Variants in GABRA2 observed in about 807,000 individuals in gnomAD.
GABRA2 encodes the protein gamma-aminobutyric acid type A receptor subunit alpha2.
Under a neutral mutation model 48.7 loss-of-function variants are expected in GABRA2, and 16 were observed. That is an observed-to-expected ratio of 0.33 (90% CI 0.22 to 0.50). The LOEUF (loss-of-function observed/expected upper bound fraction) is 0.50. Among genes scored for constraint, GABRA2 ranks in the 20% least tolerant of loss-of-function variants. The pLI is 0.98. For synonymous variants in GABRA2, 185 were observed against 184.5 expected (o/e 1.00, Z -0.02); for missense variants, 275 against 535.6 (o/e 0.51, Z 4.80).
rs1160257149 is a variant in GABRA2 at position 46,250,368 on chromosome 4, A to T, written c.1296T>A (p.Phe432Leu). The T allele has an allele frequency of 6.2e-7, 1 of 1,611,502 alleles. No individual in the cohort carries two copies. Among genetic ancestry groups the T allele is most frequent in the Non-Finnish European group, 8.5e-7 (1 of 1,178,368 alleles). Residue 432 changes from phenylalanine to leucine, a missense_variant, in exon 10 of 10, where the codon TTT (phenylalanine) becomes TTA (leucine). By Grantham distance (22) the Phe-to-Leu change is conservative. This residue lies in a region of GABRA2 where 99 missense variants were observed against 124.3 expected (regional missense o/e 0.80). Transcript: ENST00000381620. ...AATATGTAGCCCAGTAAACTAAATTAAAGGTACCAAACAAAACTGGAAAAA... is the reference window on the plus strand; with the variant it reads ...AATATGTAGCCCAGTAAACTAAATTTAAGGTACCAAACAAAACTGGAAAAA... ...RIVFPVLFGT[F>L]NLVYWATYLN...
At chr4:46,308,850 A>G (rs1008938900) in intron 6 of GABRA2, among the ~76,000 whole-genome samples, 2 of 149,108 alleles carry the variant, frequency 1.3e-5, no homozygotes, top group Non-Finnish European at 3.0e-5. Flanking sequence ...TGATGCCTTA[A>G]TGACAATACC....
intron 3 of GABRA2, among the ~76,000 whole-genome samples, chr4:46,352,418 T>G (rs1262930170): frequency 1.3e-5 from 2 of 151,938 alleles, no homozygotes; most frequent in East Asian, 3.9e-4. Flanking sequence ...CTACATAATT[T>G]ATTTTTCCTC....
Position 46,245,129 on chromosome 4 carries a change from A to G in GABRA2, c.*5179T>C, listed in dbSNP as rs1560414808. 1.3e-5 allele frequency among the ~76,000 whole-genome samples: 2 copies of G among 151,342 alleles called. No individual in the cohort carries two copies. The highest frequency in any genetic ancestry group is 4.1e-4 in the South Asian group (2 of 4,832). Reference sequence around the variant, plus strand: ...GAAATCCTAGATTTCCAGAGCTTCAAGAATCACACAGTGATGATGGCTGCT... The same window carrying G: ...GAAATCCTAGATTTCCAGAGCTTCAGGAATCACACAGTGATGATGGCTGCT... On this transcript the variant is annotated 3_prime_UTR_variant, in exon 10 of 10. Coordinates refer to ENST00000381620, the MANE Select transcript of GABRA2 (RefSeq NM_000807.4).
intron 9 of GABRA2, among the ~76,000 whole-genome samples, chr4:46,259,208 G>C (rs926899006): frequency 6.6e-6 from 1 of 151,814 alleles, no homozygotes; most frequent in African/African-American, 2.4e-5. Context: ...TGAGCAAAAG[G>C]AGAAAAGGAA....
chr4:46,273,515 A>C (rs1322074247), intron 8 of GABRA2, among the ~76,000 whole-genome samples: 1 of 42,864 alleles, frequency 2.3e-5, no homozygotes, highest in Non-Finnish European at 4.5e-5. Context: ...ATATATATAT[A>C]TATATATATA....
intron 4 of GABRA2, among the ~76,000 whole-genome samples, chr4:46,328,286 G>A (rs1378498226): frequency 8.2e-6 from 1 of 122,268 alleles, no homozygotes; most frequent in Non-Finnish European, 1.8e-5. Flanking sequence ...GTGTGTGTGT[G>A]TGTGTGTGTG....
In GABRA2 at chr4:46,250,413, A is replaced by T; in HGVS notation, c.1251T>A (p.Ile417=). Residue 417 remains isoleucine (I), a synonymous_variant, in exon 10 of 10, where the codon ATT becomes ATA. Coordinates refer to ENST00000381620, the MANE Select transcript of GABRA2 (RefSeq NM_000807.4). ...GAAAAACTATTCTGGACATTCTGTC[A>T]ATTTTGCTAACACTGTTGAAAGTTT... ...AKKTFNSVSK[I]DRMSRIVFPV... The T allele has an allele frequency of 6.2e-7, 1 of 1,611,838 alleles. No individual in the cohort carries two copies. Among genetic ancestry groups the T allele is most frequent in the Non-Finnish European group, 8.5e-7 (1 of 1,178,528 alleles).
In GABRA2 at chr4:46,250,119, T is replaced by A. The variant is rs375042516; in HGVS notation, c.*189A>T. On this transcript the variant is annotated 3_prime_UTR_variant, in exon 10 of 10. Coordinates refer to ENST00000381620, the MANE Select transcript of GABRA2 (RefSeq NM_000807.4). ...AGGCAATGGCTGTTTTCGCATGGAG[T>A]GCTTTCTGTCTGCAGTTCCATGAGT... is the stretch of plus-strand genomic sequence containing the variant. 15 of 522,324 alleles carry A rather than the reference T, an allele frequency of 2.9e-5. No individual in the cohort carries two copies. The African/African-American group carries it at 2.9e-4, about 10-fold the overall frequency. The allele number at this position is 522,324 out of a possible 1,614,324, so 32.4% of individuals were successfully genotyped here. A position where few individuals can be genotyped will look rare whatever the true frequency, so the allele number is the denominator to read the frequency against.
intron 8 of GABRA2, among the ~76,000 whole-genome samples, chr4:46,268,207 C>A (rs1718634931): frequency 1.3e-5 from 2 of 151,942 alleles, no homozygotes; most frequent in African/African-American, 4.8e-5. Flanking sequence ...AGTGAGATTA[C>A]ATCAAGATAA....
intron 8 of GABRA2, among the ~76,000 whole-genome samples, chr4:46,268,110 T>C (rs1718614682): frequency 1.3e-5 from 2 of 151,712 alleles, no homozygotes; most frequent in Admixed American, 1.3e-4. Flanking sequence ...GAATAAAAGA[T>C]AAAGAAAAAG....
At chr4:46,343,855 A>G (rs908206768) in intron 3 of GABRA2, among the ~76,000 whole-genome samples, 1 of 151,962 alleles carries the variant, frequency 6.6e-6, no homozygotes, top group African/African-American at 2.4e-5. Flanking sequence ...CAGGCTGTGA[A>G]TGCATACTCC....
intron 3 of GABRA2, among the ~76,000 whole-genome samples, chr4:46,360,231 C>G (rs963424193): frequency 3.3e-5 from 5 of 152,086 alleles, no homozygotes; most frequent in Non-Finnish European, 2.9e-5. Context: ...TTTTGTATAT[C>G]AATTATGATA....
chr4:46,287,976 A>G (rs997697574), intron 8 of GABRA2, among the ~76,000 whole-genome samples: 1 of 152,132 alleles, frequency 6.6e-6, no homozygotes, highest in African/African-American at 2.4e-5. Flanking sequence ...TTACATGGAT[A>G]GCAGTAGGCA....
chr4:46,358,550 T>C (rs1431073688), intron 3 of GABRA2, among the ~76,000 whole-genome samples: 1 of 152,202 alleles, frequency 6.6e-6, no homozygotes, highest in Non-Finnish European at 1.5e-5. Context: ...AACAAGGATG[T>C]TGCCACACAG....
intron 2 of GABRA2, chr4:46,386,869 T>C (rs1174067769): frequency 1.3e-5 from 2 of 152,216 alleles, no homozygotes; most frequent in South Asian, 2.1e-4. Context: ...TTCTTCCTGA[T>C]TGGTCTCTGA....
At chr4:46,291,778 TATATATATATATACATATAC>T (rs1341282786) in intron 8 of GABRA2, among the ~76,000 whole-genome samples, 2 of 143,794 alleles carry the variant, frequency 1.4e-5, no homozygotes, top group African/African-American at 2.6e-5. Context: ...AACACACACA[TATATATATATATACATATAC>T]ATATATATGT....
At chr4:46,386,946 A>G (rs1409246593) in intron 2 of GABRA2, 3 of 152,246 alleles carry the variant, frequency 2.0e-5, no homozygotes, top group African/African-American at 7.2e-5. Flanking sequence ...TGTAGAAAGA[A>G]CAAATGGTCT....
intron 6 of GABRA2, among the ~76,000 whole-genome samples, chr4:46,308,703 GA>G (rs1274283061): frequency 2.6e-5 from 4 of 152,178 alleles, no homozygotes; most frequent in African/African-American, 9.6e-5. Context: ...TCTGGGTACA[GA>G]AAACTATATG....
chr4:46,268,762 T>A (rs1718745575), intron 8 of GABRA2, among the ~76,000 whole-genome samples: 1 of 151,904 alleles, frequency 6.6e-6, no homozygotes. Flanking sequence ...ACACTACTTA[T>A]AATAGCCAAC....
Sources: allele counts gnomAD v4.1 joint callset (sites outside exome capture counted in the v4.1 genomes callset), GRCh38; gene constraint gnomAD v4.1.1; regional missense constraint gnomAD v4.1.1; transcripts MANE v1.5; gene names NCBI Gene and HGNC (gene_info 2026-07-23, HGNC 2026-07-21).